Variants in PHF14 observed in about 807,000 individuals in gnomAD.
PHF14 encodes PHD finger protein 14.
Under a neutral mutation model 117.9 loss-of-function variants are expected in PHF14, and 55 were observed. The observed-to-expected ratio is 0.47, with a 90% confidence interval of 0.38 to 0.58. The LOEUF is 0.58. Ranked by LOEUF, PHF14 falls within the 20% of genes least tolerant of loss-of-function variation. PHF14 has a pLI of 0.00. For missense variants in PHF14, 978 were observed against 1,122.2 expected, an observed-to-expected ratio of 0.87 and a Z score of 1.84; for synonymous variants, 409 against 368.6, an observed-to-expected ratio of 1.11 and a Z score of -1.26.
At chr7:11,120,140 GA>G (rs1787709846) in intron 17 of PHF14, among the ~76,000 whole-genome samples, 1 of 151,856 alleles carries the variant, frequency 6.6e-6, no homozygotes, top group Admixed American at 6.6e-5. Context: ...AAATTATATA[GA>G]AAGTTAAGTA....
chr7:11,078,429 G>A (rs148677906), intron 16 of PHF14, among the ~76,000 whole-genome samples: 7 of 152,224 alleles, frequency 4.6e-5, no homozygotes, highest in Admixed American at 4.6e-4. Context: ...TTAAGTCTCT[G>A]CCAGGGAGAG....
chr7:11,091,378 A>C (rs1786635952), intron 16 of PHF14, among the ~76,000 whole-genome samples: 4 of 152,210 alleles, frequency 2.6e-5, no homozygotes, highest in African/African-American at 9.7e-5. Context: ...TTTGGAGAAA[A>C]ATATAATAGG....
chr7:11,097,868 G>A (rs1461545667), intron 16 of PHF14, among the ~76,000 whole-genome samples: 2 of 152,104 alleles, frequency 1.3e-5, no homozygotes, highest in Non-Finnish European at 2.9e-5. Context: ...GCTCTGAGCT[G>A]TCAAACAGCC....
intron 16 of PHF14, among the ~76,000 whole-genome samples, chr7:11,068,862 C>G (rs184963232): frequency 5.8e-4 from 88 of 152,220 alleles, no homozygotes; most frequent in Non-Finnish European, 1.1e-3. Context: ...TGGTATATCT[C>G]TCCATTTATT....
At chr7:10,982,316 G>T in intron 2 of PHF14, 56 bp from the exon 3 acceptor site, 9 of 1,118,334 alleles carry the variant, frequency 8.0e-6, no homozygotes, top group Non-Finnish European at 1.1e-5. Flanking sequence ...CGTTGTGTGT[G>T]TGTGTGTGTA....
At chr7:11,046,115 T>G (rs1320394283) in intron 13 of PHF14, among the ~76,000 whole-genome samples, 2 of 152,192 alleles carry the variant, frequency 1.3e-5, no homozygotes, top group African/African-American at 4.8e-5. Flanking sequence ...CTATTTTGTT[T>G]GTACCTCTTT....
intron 7 of PHF14, among the ~76,000 whole-genome samples, chr7:11,034,679 G>T (rs893118801): frequency 6.7e-6 from 1 of 150,248 alleles, no homozygotes; most frequent in Non-Finnish European, 1.5e-5. Flanking sequence ...CTCCTGAGTA[G>T]CTGGGATTAC....
At chr7:11,002,746 A>G (rs1782922973) in intron 4 of PHF14, among the ~76,000 whole-genome samples, 1 of 151,920 alleles carries the variant, frequency 6.6e-6, no homozygotes, top group Non-Finnish European at 1.5e-5. Flanking sequence ...GCCCGGCCAA[A>G]AATTAAGACT....
chr7:11,012,622 G>C (rs1292784649), intron 4 of PHF14, among the ~76,000 whole-genome samples: 1 of 152,186 alleles, frequency 6.6e-6, no homozygotes, highest in Non-Finnish European at 1.5e-5. Context: ...CTACTCTAAA[G>C]TGTAAAGAGC....
intron 16 of PHF14, among the ~76,000 whole-genome samples, chr7:11,090,999 T>C (rs370694399): frequency 2.0e-5 from 3 of 152,136 alleles, no homozygotes; most frequent in Admixed American, 6.5e-5. Flanking sequence ...AATAGGTAGA[T>C]TGGGGCCTTG....
At chr7:11,148,985 C>T (rs1788631127) in intron 17 of PHF14, among the ~76,000 whole-genome samples, 1 of 151,968 alleles carries the variant, frequency 6.6e-6, no homozygotes, top group Non-Finnish European at 1.5e-5. Context: ...TTTATTTAAA[C>T]CCAAAGTCAT....
chr7:11,008,189 C>A (rs538782325), intron 4 of PHF14, among the ~76,000 whole-genome samples: 1 of 152,166 alleles, frequency 6.6e-6, no homozygotes, highest in Non-Finnish European at 1.5e-5. Flanking sequence ...AGAGATGTTT[C>A]CCCCTATTTA....
At chr7:11,107,486 T>A in intron 16 of PHF14, 3 of 859,858 alleles carry the variant, frequency 3.5e-6, no homozygotes, top group Non-Finnish European at 4.2e-6. Context: ...TAGGTTTGCT[T>A]TTATCTTATA....
At chr7:11,146,180 T>C (rs952500317) in intron 17 of PHF14, among the ~76,000 whole-genome samples, 2 of 152,102 alleles carry the variant, frequency 1.3e-5, no homozygotes, top group Non-Finnish European at 2.9e-5. Context: ...ATTAAAAAAT[T>C]ATATTTTGAA....
At chr7:11,111,570 A>AC in intron 17 of PHF14, 103 bp downstream of exon 17, 1 of 619,704 alleles carries the variant, frequency 1.6e-6, no homozygotes, top group Non-Finnish European at 2.9e-6. Flanking sequence ...AATATGAAGA[A>AC]CCAACATTTT....
At chr7:11,116,874 C>G (rs1787615691) in intron 17 of PHF14, among the ~76,000 whole-genome samples, 1 of 151,484 alleles carries the variant, frequency 6.6e-6, no homozygotes, top group African/African-American at 2.4e-5. Context: ...GTGTATAACC[C>G]AAGTCAAATG....
intron 2 of PHF14, among the ~76,000 whole-genome samples, chr7:10,980,210 C>A (rs1782004615): frequency 6.6e-6 from 1 of 152,112 alleles, no homozygotes; most frequent in African/African-American, 2.4e-5. Context: ...ACTTTTGCGT[C>A]TATCGTGAAG....
At chr7:11,111,588 A>G (rs752661396) in intron 17 of PHF14, 121 bp downstream of exon 17, 9 of 580,980 alleles carry the variant, frequency 1.5e-5, no homozygotes, top group Non-Finnish European at 2.8e-5. Flanking sequence ...TTTAACCAGT[A>G]CACCTTAAGA....
intron 17 of PHF14, among the ~76,000 whole-genome samples, chr7:11,114,126 A>G (rs552293682): frequency 2.6e-5 from 4 of 152,148 alleles, no homozygotes; most frequent in Non-Finnish European, 5.9e-5. Flanking sequence ...TTAGATGGTA[A>G]AATGTCTCCA....
Sources: gnomAD v4.1 joint callset for allele counts (sites outside exome capture counted in the v4.1 genomes callset) on GRCh38, gnomAD v4.1.1 for gene constraint, MANE v1.5 for transcripts, NCBI Gene and HGNC (gene_info 2026-07-23, HGNC 2026-07-21) for gene names.